Variants in GTF2H3 observed in about 807,000 individuals in gnomAD.
The protein encoded by GTF2H3 is TFIIH basal transcription factor complex p34 subunit.
In GTF2H3, 42 loss-of-function variants were observed where a neutral mutation model predicts 51.1. That is an observed-to-expected ratio of 0.82 (90% CI 0.64 to 1.06). The LOEUF (loss-of-function observed/expected upper bound fraction) is 1.06, where lower values mean the gene tolerates loss of function less well. GTF2H3 is among the 50% of genes least tolerant of loss of function. The pLI is 0.00. For missense variants in GTF2H3, 326 were observed against 366.1 expected (o/e 0.89, Z 0.89); for synonymous variants, 123 against 123.8 (o/e 0.99, Z 0.04).
At chr12:123,658,094 C>G (rs988415222) in intron 9 of GTF2H3, among the ~76,000 whole-genome samples, 2 of 152,126 alleles carry the variant, frequency 1.3e-5, no homozygotes, top group African/African-American at 2.4e-5. Context: ...GAGTCTTGCT[C>G]TTGCCCAGGC....
intron 2 of GTF2H3, among the ~76,000 whole-genome samples, chr12:123,641,992 C>G (rs949126827): frequency 5.8e-5 from 8 of 137,934 alleles, no homozygotes; most frequent in African/African-American, 2.2e-4. Flanking sequence ...TAGCTGGGAT[C>G]ACAGGCGCGT....
At chr12:123,656,012 C>T (rs1011134467) in intron 9 of GTF2H3, 188 bp downstream of exon 9, 2 of 453,024 alleles carry the variant, frequency 4.4e-6, no homozygotes, top group African/African-American at 2.0e-5. Flanking sequence ...ATATTGCTTG[C>T]GTTATATTTC....
At chr12:123,647,610 T>C (rs1955466162) in intron 3 of GTF2H3, among the ~76,000 whole-genome samples, 1 of 152,286 alleles carries the variant, frequency 6.6e-6, no homozygotes, top group South Asian at 2.1e-4. Context: ...GTTGTGGTTG[T>C]CATTTGAGAA....
rs1955665139 is a variant in GTF2H3 at position 123,662,100 on chromosome 12, A to C, written c.*1865A>C. 1 of 145,494 alleles carries C rather than the reference A, an allele frequency of 6.9e-6. No individual in the cohort carries two copies. The allele number at this position is 145,494 out of a possible 1,614,324, so 9.0% of individuals were successfully genotyped here. On this transcript the variant is annotated 3_prime_UTR_variant, in exon 13 of 13. Coordinates refer to ENST00000543341, the MANE Select transcript of GTF2H3 (RefSeq NM_001516.5). Reference sequence around the variant, plus strand: ...GCCAAGATCAAGATTGCGCCATTGCACTCCAGCCTGGGCGACAAGAACAAA... The same window carrying C: ...GCCAAGATCAAGATTGCGCCATTGCCCTCCAGCCTGGGCGACAAGAACAAA...
chr12:123,659,482 G>A lies in GTF2H3; in HGVS notation c.616-34G>A, dbSNP rs559316478. The A allele has an allele frequency of 5.0e-5, 81 of 1,604,842 alleles. No homozygotes were observed. The South Asian group carries it at 8.6e-4, about 17-fold the overall frequency. ...ATTCCTCTGGAAACCCTAGGTAAGT[G>A]CGAGTTTGGCAGCAAGCCGCCTGTG... On this transcript the variant is annotated intron_variant, in intron 9 of 12. Transcript: ENST00000543341.
chr12:123,658,319 G>A (rs1955611970), intron 9 of GTF2H3, among the ~76,000 whole-genome samples: 1 of 152,126 alleles, frequency 6.6e-6, no homozygotes, highest in African/African-American at 2.4e-5. Flanking sequence ...CTGGGTTCAA[G>A]CGATTCTCCT....
intron 8 of GTF2H3, 67 bp downstream of exon 8, chr12:123,655,065 T>C: frequency 8.5e-7 from 1 of 1,182,328 alleles, no homozygotes; most frequent in Non-Finnish European, 1.3e-6. Flanking sequence ...ATTTTTTGAA[T>C]GCTCTACTCT....
chr12:123,649,204 T>C (rs1340552765), intron 4 of GTF2H3: 3 of 151,110 alleles, frequency 2.0e-5, no homozygotes, highest in African/African-American at 7.3e-5. Context: ...CTGACCTCAG[T>C]TGATCCACCC....
rs756648107 is a variant in GTF2H3, at chr12:123,650,962, A to C, written c.365-32A>C. ...ATTTTAGTTCAAGAAAGTACTTAAA[A>C]ATTCCCTTTTAATGTTTTCTGTTAT... On this transcript the variant is annotated intron_variant, in intron 4 of 12. Coordinates refer to ENST00000543341, the MANE Select transcript of GTF2H3 (RefSeq NM_001516.5). The C allele has an allele frequency of 2.0e-6, 3 of 1,521,880 alleles. No homozygotes were observed. In the East Asian group the frequency reaches 6.7e-5, roughly 34 times the overall value. 94.3% of individuals were successfully genotyped at this position (1,521,880 alleles called of 1,614,324 possible).
At chr12:123,655,915 T>C (rs1222492760) in intron 9 of GTF2H3, 91 bp downstream of exon 9, 2 of 800,534 alleles carry the variant, frequency 2.5e-6, no homozygotes, top group East Asian at 2.5e-5. Flanking sequence ...TTTGGGTATA[T>C]TGGGTTAAAT....
rs78528979 is a variant in GTF2H3 at position 123,647,785 on chromosome 12, A to G, written c.201-178A>G. Among the ~76,000 whole-genome samples, 1,449 of 152,242 alleles carry G rather than the reference A, an allele frequency of 9.5e-3. 14 individuals are homozygous for G. Among genetic ancestry groups the G allele is most frequent in the Admixed American group, 0.014 (218 of 15,286 alleles). ...TTATACATTTTTTCTTTGTTTTTAT[A>G]CGCTTTTTCTAATTTTATCTTACAC... On this transcript the variant is annotated intron_variant, in intron 3 of 12. Coordinates refer to ENST00000543341, the MANE Select transcript of GTF2H3 (RefSeq NM_001516.5).
At chr12:123,655,027 T>C (rs765498748) in intron 8 of GTF2H3, 29 bp downstream of exon 8, 1 of 1,565,242 alleles carries the variant, frequency 6.4e-7, no homozygotes, top group Non-Finnish European at 8.8e-7. Flanking sequence ...GTTTAAAGTA[T>C]TTGTTTCATA....
rs180798307 is a variant in GTF2H3, at chr12:123,652,850, G to A, written c.486+115G>A. 1.6e-5 allele frequency: 15 copies of A among 960,176 alleles called. No homozygotes were observed. In the Admixed American group the frequency reaches 1.9e-4, roughly 12 times the overall value. The allele number at this position is 960,176 out of a possible 1,614,324, so 59.5% of individuals were successfully genotyped here. ...CCCAGCACTTTGGGAGGCCGAGGTG[G>A]GCAGATCACTTGAGGTCAGGAGTTC... is the stretch of plus-strand genomic sequence containing the variant. On this transcript the variant is annotated intron_variant, in intron 7 of 12. Coordinates refer to ENST00000543341, the MANE Select transcript of GTF2H3 (RefSeq NM_001516.5).
Position 123,662,585 on chromosome 12 carries a change from A to G in GTF2H3, c.*2350A>G, listed in dbSNP as rs1185368656. 6.6e-6 allele frequency: 1 copy of G among 152,084 alleles called. No individual in the cohort carries two copies. The highest frequency in any genetic ancestry group is 1.5e-5 in the Non-Finnish European group (1 of 68,024). The allele number at this position is 152,084 out of a possible 1,614,324, so 9.4% of individuals were successfully genotyped here. A position where few individuals can be genotyped will look rare whatever the true frequency, so the allele number is the denominator to read the frequency against. On this transcript the variant is annotated 3_prime_UTR_variant, in exon 13 of 13. Transcript: ENST00000543341. ...GAGTTATTTTATATAAATTTTTACA[A>G]TAAAATAATTTGATTTTCATATTTG...
Position 123,660,911 on chromosome 12 carries a change from T to G in GTF2H3, c.*676T>G, listed in dbSNP as rs957436235. On this transcript the variant is annotated 3_prime_UTR_variant, in exon 13 of 13. Transcript: ENST00000543341. ...GGAAGAGCTTATATGTGAAAGCTTA[T>G]GACTGGTTTTGAGGGAGAACTTACT... 6.6e-6 allele frequency: 1 copy of G among 152,234 alleles called. No individual in the cohort carries two copies. Among genetic ancestry groups the G allele is most frequent in the African/African-American group, 2.4e-5 (1 of 41,466 alleles). The allele number at this position is 152,234 out of a possible 1,614,324, so 9.4% of individuals were successfully genotyped here. A position where few individuals can be genotyped will look rare whatever the true frequency, so the allele number is the denominator to read the frequency against.
At position 123,654,988 on chromosome 12, in the gene GTF2H3, C is replaced by T. The variant is rs771994033; in HGVS notation, c.551C>T (p.Ala184Val). Residue 184 changes from alanine to valine, a missense_variant, in exon 8 of 13, where the codon GCA becomes GTA. Ala to Val is a moderately conservative substitution (Grantham distance 64). Transcript: ENST00000543341. Reference protein sequence around the residue: ...YMNFMNVIFAAQKQNILIDAC... With the variant: ...YMNFMNVIFAVQKQNILIDAC... ...AACTTCATGAATGTCATCTTTGCAG[C>T]ACAGAAACAGGTGAACTGAGAGCCT... The T allele has an allele frequency of 1.9e-6, 3 of 1,611,112 alleles. No homozygotes were observed. The highest frequency in any genetic ancestry group is 3.3e-5 in the Admixed American group (2 of 60,014).
chr12:123,635,799 C>A (rs746174114), intron 1 of GTF2H3, among the ~76,000 whole-genome samples: 14 of 152,156 alleles, frequency 9.2e-5, no homozygotes, highest in Admixed American at 2.0e-4. Flanking sequence ...AGGACTGGGA[C>A]GAGAGATCAG....
rs745939360 is a variant in GTF2H3 at position 123,641,893 on chromosome 12, G to A, written c.93+2550G>A. On this transcript the variant is annotated intron_variant, in intron 2 of 12. Transcript: ENST00000543341. ...TTTGAGATGGAGTTTTGCTCTTGTCGCCCAGGCTAGAGTGCAATGGCACGA... is the reference window on the plus strand; with the variant it reads ...TTTGAGATGGAGTTTTGCTCTTGTCACCCAGGCTAGAGTGCAATGGCACGA... Among the ~76,000 whole-genome samples, 41 of 151,796 alleles carry A rather than the reference G, an allele frequency of 2.7e-4. 1 individual carries two copies. The highest frequency in any genetic ancestry group is 5.8e-4 in the East Asian group (3 of 5,180).
At chr12:123,641,258 G>A (rs112358013) in intron 2 of GTF2H3, among the ~76,000 whole-genome samples, 1,678 of 150,508 alleles carry the variant, frequency 0.011, 14 homozygotes, top group South Asian at 0.031. Flanking sequence ...ATGGAGTTTC[G>A]CTCTGTCACC....
Sources: allele counts gnomAD v4.1 joint callset (sites outside exome capture counted in the v4.1 genomes callset), GRCh38; gene constraint gnomAD v4.1.1; transcripts MANE v1.5; gene names NCBI Gene and HGNC (gene_info 2026-07-23, HGNC 2026-07-21).